RBFOX2: variants seen among roughly 807,000 people sequenced by gnomAD.
The protein encoded by RBFOX2 is RNA binding protein fox-1 homolog 2.
In RBFOX2, 10 loss-of-function variants were observed where a neutral mutation model predicts 49.1. The observed-to-expected ratio is 0.20, with a 90% confidence interval of 0.13 to 0.35. RBFOX2 has a LOEUF of 0.35. Ranked by LOEUF, RBFOX2 falls within the 10% of genes least tolerant of loss-of-function variation. RBFOX2 has a pLI of 1.00. For synonymous variants in RBFOX2, 183 were observed against 187.4 expected, an observed-to-expected ratio of 0.98 and a Z score of 0.19; for missense variants, 323 against 486.9, an observed-to-expected ratio of 0.66 and a Z score of 3.17.
chr22:36,009,201 T>A (rs1452449310), intron 1 of RBFOX2, among the ~76,000 whole-genome samples: 1 of 152,206 alleles, frequency 6.6e-6, no homozygotes, highest in Non-Finnish European at 1.5e-5. Flanking sequence ...CTTTGTGCTA[T>A]AACAACCACC....
At chr22:35,987,460 T>C (rs2057771179) in intron 1 of RBFOX2, among the ~76,000 whole-genome samples, 1 of 152,206 alleles carries the variant, frequency 6.6e-6, no homozygotes, top group African/African-American at 2.4e-5. Flanking sequence ...CTCAAAGTTA[T>C]CAAAAGCAAC....
chr22:35,746,742 A>G (rs1932888643), intron 9 of RBFOX2, 181 bp from the exon 12 acceptor site: 3 of 404,080 alleles, frequency 7.4e-6, no homozygotes, highest in Non-Finnish European at 1.3e-5. Context: ...TATTCCTCCA[A>G]TAAAAAATTA....
intron 1 of RBFOX2, among the ~76,000 whole-genome samples, chr22:35,991,064 A>G (rs2057958348): frequency 6.6e-6 from 1 of 152,174 alleles, no homozygotes; most frequent in Non-Finnish European, 1.5e-5. Context: ...GTTTGAGACC[A>G]GCCTGGGCAA....
intron 1 of RBFOX2, among the ~76,000 whole-genome samples, chr22:35,916,753 G>A (rs998607071): frequency 6.6e-6 from 1 of 151,976 alleles, no homozygotes; most frequent in Non-Finnish European, 1.5e-5. Context: ...AATTAGCTGG[G>A]AATGGTGGCT....
chr22:35,977,680 A>G (rs1006226484), intron 1 of RBFOX2, among the ~76,000 whole-genome samples: 6 of 147,474 alleles, frequency 4.1e-5, no homozygotes, highest in South Asian at 2.1e-4. Flanking sequence ...ATGTAGCCTT[A>G]AAAGAATGAA....
chr22:35,895,090 CTCTT>C (rs1261212690), intron 1 of RBFOX2, among the ~76,000 whole-genome samples: 1 of 151,914 alleles, frequency 6.6e-6, no homozygotes, highest in Non-Finnish European at 1.5e-5. Context: ...CTCTCTCTCT[CTCTT>C]TCTCTCTCTC....
intron 1 of RBFOX2, among the ~76,000 whole-genome samples, chr22:35,814,817 G>A (rs1405293235): frequency 6.6e-6 from 1 of 150,970 alleles, no homozygotes; most frequent in East Asian, 1.9e-4. Flanking sequence ...TGCTTTGGGA[G>A]GCCAAGGAGG....
upstream of RBFOX2, among the ~76,000 whole-genome samples, chr22:35,962,243 G>A (rs1249601117): frequency 1.3e-5 from 2 of 152,134 alleles, no homozygotes; most frequent in Non-Finnish European, 2.9e-5. Context: ...AGAATAAATG[G>A]GGAGGAGAAT....
intron 1 of RBFOX2, among the ~76,000 whole-genome samples, chr22:35,827,760 T>G (rs1185673161): frequency 1.3e-5 from 2 of 152,238 alleles, no homozygotes; most frequent in African/African-American, 4.8e-5. Context: ...TGAAATGAAC[T>G]GTTCAACTGA....
chr22:36,018,792 T>C (rs2146493363), intron 1 of RBFOX2, among the ~76,000 whole-genome samples: 1 of 152,314 alleles, frequency 6.6e-6, no homozygotes, highest in South Asian at 2.1e-4. Context: ...TTTTGTATTT[T>C]TAGTAGAAAC....
At chr22:35,869,864 T>C (rs890050433) in intron 1 of RBFOX2, among the ~76,000 whole-genome samples, 15 of 152,362 alleles carry the variant, frequency 9.8e-5, no homozygotes, top group Middle Eastern at 6.8e-3. Flanking sequence ...TTAAAAACCT[T>C]TATCATATTT....
chr22:35,842,406 T>C (rs2040623331), upstream of RBFOX2, among the ~76,000 whole-genome samples: 1 of 152,186 alleles, frequency 6.6e-6, no homozygotes, highest in Non-Finnish European at 1.5e-5. Flanking sequence ...TATAGTACTC[T>C]CTGAATTTGC....
Position 36,023,484 on chromosome 22 carries a change from T to C in RBFOX2, c.186+4756A>G, listed in dbSNP as rs372769440. Reference sequence around the variant, plus strand: ...TTACCTTATACAGCAGCTAAACTCTTAGAAAACTGCACAAAAATAAAATTT... The same window carrying C: ...TTACCTTATACAGCAGCTAAACTCTCAGAAAACTGCACAAAAATAAAATTT... On this transcript the variant is annotated intron_variant, in intron 1 of 13. Coordinates refer to the RBFOX2 transcript ENST00000438146. 4.6e-5 allele frequency among the ~76,000 whole-genome samples: 7 copies of C among 152,308 alleles called. No homozygotes were observed. The South Asian group carries it at 8.3e-4, about 18-fold the overall frequency.
intron 2 of RBFOX2, among the ~76,000 whole-genome samples, chr22:35,789,823 G>A (rs1264688063): frequency 1.3e-5 from 2 of 152,194 alleles, no homozygotes; most frequent in Non-Finnish European, 2.9e-5. Context: ...CTTCCAAGTT[G>A]TGGGCTTTCC....
At chr22:35,800,356 T>C (rs1253833058) in intron 2 of RBFOX2, among the ~76,000 whole-genome samples, 1 of 152,208 alleles carries the variant, frequency 6.6e-6, no homozygotes, top group Admixed American at 6.5e-5. Context: ...CTTCATTTAC[T>C]TGCTCAAAAT....
At chr22:36,028,707 A>AACCCG (rs1484457088) in exon 1 of RBFOX2, among the ~76,000 whole-genome samples, 1 of 149,756 alleles carries the variant, frequency 6.7e-6, no homozygotes, top group African/African-American at 2.4e-5. Context: ...GCACACGCGA[A>AACCCG]ACCCGGCCCG....
chr22:35,891,797 CGA>C (rs2047273341), intron 1 of RBFOX2, among the ~76,000 whole-genome samples: 1 of 148,736 alleles, frequency 6.7e-6, no homozygotes, highest in African/African-American at 2.5e-5. Context: ...TTGATGATGG[CGA>C]GAGAGGGAAA....
intron 1 of RBFOX2, among the ~76,000 whole-genome samples, chr22:35,946,145 TCAAACC>T (rs1361057369): frequency 6.6e-6 from 1 of 152,086 alleles, no homozygotes; most frequent in Non-Finnish European, 1.5e-5. Flanking sequence ...AAATAACCAA[TCAAACC>T]CCTTTTCTTT....
At chr22:35,866,665 A>G (rs1361206274) in intron 1 of RBFOX2, among the ~76,000 whole-genome samples, 1 of 152,218 alleles carries the variant, frequency 6.6e-6, no homozygotes, top group Non-Finnish European at 1.5e-5. Context: ...CATGTAGCCC[A>G]GACTTGCAAC....
Sources: gnomAD v4.1 joint callset for allele counts (sites outside exome capture counted in the v4.1 genomes callset) on GRCh38, gnomAD v4.1.1 for gene constraint, MANE v1.5 for transcripts, NCBI Gene and HGNC (gene_info 2026-07-23, HGNC 2026-07-21) for gene names.